The following ALK variants were observed in gnomAD, a reference collection of about 807,000 sequenced individuals.
ALK encodes the protein ALK receptor tyrosine kinase, also known as ALK tyrosine kinase receptor.
A neutral mutation model predicts 163.1 loss-of-function variants in ALK; 74 were observed. The ratio of observed to expected loss-of-function variants is 0.45; its 90% CI spans 0.38 to 0.55. ALK has a LOEUF of 0.55. Ranked by LOEUF, ALK falls within the 20% of genes least tolerant of loss-of-function variation. The pLI, the probability that ALK is intolerant of heterozygous loss-of-function variation, is 0.00. For missense variants in ALK, 2,063 were observed against 2,105.3 expected, an observed-to-expected ratio of 0.98 and a Z score of 0.39; for synonymous variants, 960 against 843.2, an observed-to-expected ratio of 1.14 and a Z score of -2.40.
At chr2:29,367,867 A>G (rs1668544618) in intron 5 of ALK, among the ~76,000 whole-genome samples, 1 of 152,238 alleles carries the variant, frequency 6.6e-6, no homozygotes, top group African/African-American at 2.4e-5. Flanking sequence ...AAGTGATTAA[A>G]TGAATCTCTG....
chr2:29,538,247 G>A (rs879596486), intron 3 of ALK, among the ~76,000 whole-genome samples: 1 of 152,164 alleles, frequency 6.6e-6, no homozygotes, highest in Non-Finnish European at 1.5e-5. Flanking sequence ...CAAATCTCAC[G>A]TTGAAATGTG....
intron 4 of ALK, among the ~76,000 whole-genome samples, chr2:29,445,514 G>A (rs1190487425): frequency 6.6e-6 from 1 of 152,202 alleles, no homozygotes; most frequent in Non-Finnish European, 1.5e-5. Flanking sequence ...GGAGATGCTG[G>A]ATTAATAGTA....
chr2:29,522,551 C>G (rs1402828076), intron 4 of ALK, among the ~76,000 whole-genome samples: 2 of 152,018 alleles, frequency 1.3e-5, no homozygotes, highest in African/African-American at 4.8e-5. Flanking sequence ...GACCCTGGGT[C>G]CCTGTTGACT....
intron 4 of ALK, among the ~76,000 whole-genome samples, chr2:29,475,462 C>G (rs1329257663): frequency 6.6e-6 from 1 of 152,178 alleles, no homozygotes. Flanking sequence ...CAGAATCCCT[C>G]CCTCCACTAA....
chr2:29,889,991 C>T (rs1667104011), intron 1 of ALK, among the ~76,000 whole-genome samples: 1 of 152,178 alleles, frequency 6.6e-6, no homozygotes, highest in South Asian at 2.1e-4. Context: ...AAAACGTGTA[C>T]ATCCAGAGGT....
chr2:29,772,300 A>G (rs1681050471), intron 1 of ALK, among the ~76,000 whole-genome samples: 1 of 152,258 alleles, frequency 6.6e-6, no homozygotes, highest in Non-Finnish European at 1.5e-5. Context: ...AAACAAAAAC[A>G]AAGCAAAACC....
chr2:29,516,847 GGTTAGCAGTGAGTAT>G (rs771066988), intron 4 of ALK, among the ~76,000 whole-genome samples: 35 of 152,326 alleles, frequency 2.3e-4, no homozygotes, highest in Non-Finnish European at 4.1e-4. Flanking sequence ...CAATGAGCTG[GGTTAGCAGTGAGTAT>G]GTTAGCAGTG....
chr2:29,247,075 T>C (rs944119825), intron 12 of ALK, among the ~76,000 whole-genome samples: 4 of 152,210 alleles, frequency 2.6e-5, no homozygotes, highest in African/African-American at 9.6e-5. Context: ...GCCCCTCTCC[T>C]GGCAGAAGCC....
intron 1 of ALK, among the ~76,000 whole-genome samples, chr2:29,745,492 C>T (rs1226044760): frequency 2.0e-5 from 3 of 152,192 alleles, no homozygotes; most frequent in Admixed American, 6.5e-5. Context: ...AGGTCTACTT[C>T]TTGTACAGAT....
chr2:29,460,746 A>C (rs1671065901), intron 4 of ALK, among the ~76,000 whole-genome samples: 1 of 152,104 alleles, frequency 6.6e-6, no homozygotes, highest in African/African-American at 2.4e-5. Context: ...ATTCCTTGAG[A>C]CACATCATAT....
At chr2:29,827,571 T>C (rs569385883) in intron 1 of ALK, among the ~76,000 whole-genome samples, 2 of 152,330 alleles carry the variant, frequency 1.3e-5, no homozygotes, top group East Asian at 1.9e-4. Context: ...AGGGTATTAA[T>C]TGGTAGGCTC....
intron 1 of ALK, among the ~76,000 whole-genome samples, chr2:29,744,892 A>C (rs1680168626): frequency 6.6e-6 from 1 of 152,138 alleles, no homozygotes; most frequent in Admixed American, 6.5e-5. Context: ...CTTCCACTGC[A>C]TTCTACTCAT....
At chr2:29,332,240 C>T (rs191625906) in intron 5 of ALK, among the ~76,000 whole-genome samples, 41 of 134,840 alleles carry the variant, frequency 3.0e-4, no homozygotes, top group East Asian at 1.1e-3. Flanking sequence ...GAGCCAAGAC[C>T]GCACCATTGT....
chr2:29,193,771 G>A lies in ALK; in HGVS notation c.4316C>T (p.Ala1439Val), dbSNP rs2148138729. 6.3e-7 allele frequency: 1 copy of A among 1,593,000 alleles called. No individual in the cohort carries two copies. The change falls in exon 29 of 29, where the codon GCT (alanine) becomes GTT (valine). Residue 1439 changes from alanine to valine, a missense_variant. By Grantham distance (64) the Ala-to-Val change is moderately conservative. Transcript: ENST00000389048. The stretch of plus-strand genomic sequence containing the variant: ...GGTGGTAGGCAGAGGTGGTGGGGCA[G>A]CTGGGCTGCGCTCCTCCTCCCGTTT... ...QAKREEERSP[A>V]APPPLPTTSS...
At chr2:29,312,881 T>C (rs773279581) in intron 8 of ALK, among the ~76,000 whole-genome samples, 31 of 152,198 alleles carry the variant, frequency 2.0e-4, no homozygotes, top group Non-Finnish European at 4.3e-4. Flanking sequence ...ACTGCAGAGA[T>C]GTCACAGCAT....
chr2:29,760,184 T>C (rs1025786435), intron 1 of ALK, among the ~76,000 whole-genome samples: 4 of 151,914 alleles, frequency 2.6e-5, no homozygotes, highest in Admixed American at 1.3e-4. Flanking sequence ...CACACATCCC[T>C]ACACACCTAC....
intron 11 of ALK, among the ~76,000 whole-genome samples, chr2:29,261,518 G>A (rs769398200): frequency 2.2e-4 from 34 of 152,118 alleles, no homozygotes; most frequent in Non-Finnish European, 4.6e-4. Flanking sequence ...TATCTGGTCA[G>A]AGCCCTCACC....
chr2:29,335,178 T>C (rs1667572988), intron 5 of ALK, among the ~76,000 whole-genome samples: 3 of 152,214 alleles, frequency 2.0e-5, no homozygotes, highest in South Asian at 4.1e-4. Flanking sequence ...AATGCCCTAA[T>C]AGGCAAAAGT....
At chr2:29,336,620 C>CGAAACAGAAATGCA (rs1270266768) in intron 5 of ALK, among the ~76,000 whole-genome samples, 1 of 152,230 alleles carries the variant, frequency 6.6e-6, no homozygotes, top group Non-Finnish European at 1.5e-5. Context: ...AATGATGCCT[C>CGAAACAGAAATGCA]TTCCCTAATT....
Sources: gnomAD v4.1 joint callset for allele counts (sites outside exome capture counted in the v4.1 genomes callset) on GRCh38, gnomAD v4.1.1 for gene constraint, MANE v1.5 for transcripts, NCBI Gene and HGNC (gene_info 2026-07-23, HGNC 2026-07-21) for gene names.